MPPED2: variants seen among roughly 807,000 people sequenced by gnomAD.
The protein encoded by MPPED2 is metallophosphoesterase domain containing 2, also known as metallophosphoesterase MPPED2.
In MPPED2, 5 loss-of-function variants were observed where a neutral mutation model predicts 33.0. That is an observed-to-expected ratio of 0.15 (90% confidence interval 0.08 to 0.32). The LOEUF is 0.32. Among genes scored for constraint, MPPED2 ranks in the 10% least tolerant of loss-of-function variants. The probability of loss-of-function intolerance (pLI) is 1.00; values close to 1 mark genes in which losing one functional copy is unlikely to be tolerated. For missense variants in MPPED2, 275 were observed against 372.1 expected (o/e 0.74, Z 2.15); for synonymous variants, 136 against 141.9 (o/e 0.96, Z 0.29).
intron 3 of MPPED2, among the ~76,000 whole-genome samples, chr11:30,513,044 C>T (rs1344939574): frequency 6.6e-6 from 1 of 151,758 alleles, no homozygotes; most frequent in East Asian, 1.9e-4. Context: ...AGTTTCCAGG[C>T]TTTATCCTGA....
At chr11:30,483,422 G>T (rs1951580687) in intron 4 of MPPED2, among the ~76,000 whole-genome samples, 1 of 152,070 alleles carries the variant, frequency 6.6e-6, no homozygotes, top group South Asian at 2.1e-4. Context: ...ACCCACAAAT[G>T]AACCCTATGA....
intron 4 of MPPED2, among the ~76,000 whole-genome samples, chr11:30,461,987 G>T (rs1444695721): frequency 6.6e-6 from 1 of 152,224 alleles, no homozygotes; most frequent in Non-Finnish European, 1.5e-5. Context: ...TTGTAAGTTA[G>T]CAAGTTTTCA....
intron 4 of MPPED2, 53 bp downstream of exon 4, chr11:30,495,243 T>C: frequency 1.6e-6 from 2 of 1,243,054 alleles, no homozygotes; most frequent in Non-Finnish European, 2.4e-6. Context: ...AGCTGTGTTT[T>C]CTTGGTACTG....
chr11:30,385,759 A>T (rs1349195741), exon 7 of MPPED2: 2 of 151,964 alleles, frequency 1.3e-5, no homozygotes, highest in Non-Finnish European at 2.9e-5. Flanking sequence ...TCTCTGCCTG[A>T]ACACTTTTGT....
intron 2 of MPPED2, among the ~76,000 whole-genome samples, chr11:30,542,601 G>A (rs1480531209): frequency 6.6e-6 from 1 of 151,852 alleles, no homozygotes; most frequent in African/African-American, 2.4e-5. Context: ...CTGCACTCCA[G>A]CCTGGGTAAC....
intron 4 of MPPED2, among the ~76,000 whole-genome samples, chr11:30,447,813 C>T (rs1055379822): frequency 1.3e-5 from 2 of 152,070 alleles, no homozygotes; most frequent in Non-Finnish European, 2.9e-5. Flanking sequence ...TGAGAGGTTT[C>T]GTGAGTCCCT....
chr11:30,520,632 G>A (rs1326927401), intron 3 of MPPED2, among the ~76,000 whole-genome samples: 3 of 152,122 alleles, frequency 2.0e-5, no homozygotes, highest in Non-Finnish European at 4.4e-5. Flanking sequence ...ATTTGGAAAT[G>A]AAGGGAGTAT....
In MPPED2 at chr11:30,586,053, T is replaced by G. The variant is rs1957456365; in HGVS notation, c.-133A>C. On this transcript the variant is annotated 5_prime_UTR_variant, in exon 1 of 7. Coordinates refer to ENST00000358117, the MANE Select transcript of MPPED2 (RefSeq NM_001584.3). This position sits in a 1 kb window ranked among gnomAD's most constrained non-coding sequence, Gnocchi z 4.8. ...CCGGGGCGGATTACCTTTCCCGGGCTGCGCTCCGGATCCCGGGGATGCCTT... is the reference window on the plus strand; with the variant it reads ...CCGGGGCGGATTACCTTTCCCGGGCGGCGCTCCGGATCCCGGGGATGCCTT... 6.6e-6 allele frequency: 1 copy of G among 152,204 alleles called. No individual in the cohort carries two copies. 9.4% of individuals were successfully genotyped at this position (152,204 alleles called of 1,614,324 possible). A position where few individuals can be genotyped will look rare whatever the true frequency, so the allele number is the denominator to read the frequency against.
intron 1 of MPPED2, among the ~76,000 whole-genome samples, chr11:30,585,349 G>T (rs541872806): frequency 6.6e-6 from 1 of 152,086 alleles, no homozygotes; most frequent in South Asian, 2.1e-4. Flanking sequence ...CGCGGGGACG[G>T]GGTGAGAAAG....
intron 2 of MPPED2, among the ~76,000 whole-genome samples, chr11:30,542,459 C>T (rs76665811): frequency 6.3e-4 from 49 of 77,790 alleles, no homozygotes; most frequent in Non-Finnish European, 7.4e-4. Context: ...ACCAAAAGTA[C>T]AAAAAAAAAA....
At chr11:30,514,761 G>T (rs1953429956) in intron 3 of MPPED2, among the ~76,000 whole-genome samples, 2 of 152,156 alleles carry the variant, frequency 1.3e-5, no homozygotes, top group East Asian at 3.9e-4. Flanking sequence ...ACAATTATGA[G>T]ATTTGGAACC....
intron 4 of MPPED2, among the ~76,000 whole-genome samples, chr11:30,442,613 CAG>C (rs1167536968): frequency 1.3e-5 from 2 of 152,210 alleles, no homozygotes; most frequent in Admixed American, 1.3e-4. Flanking sequence ...TACAGTGACA[CAG>C]AGGCTAGAGT....
At chr11:30,403,719 G>A (rs1947946794) in intron 6 of MPPED2, among the ~76,000 whole-genome samples, 1 of 152,140 alleles carries the variant, frequency 6.6e-6, no homozygotes, top group African/African-American at 2.4e-5. Flanking sequence ...TGAGACAGTA[G>A]TAGATCCTAA....
intron 4 of MPPED2, among the ~76,000 whole-genome samples, chr11:30,454,322 T>C (rs772356734): frequency 6.6e-6 from 1 of 152,092 alleles, no homozygotes; most frequent in Non-Finnish European, 1.5e-5. Flanking sequence ...CCTTCAACAA[T>C]AGCCGGGCTA....
exon 7 of MPPED2, chr11:30,388,879 T>C (rs1228245478): frequency 3.9e-6 from 6 of 1,553,316 alleles, no homozygotes; most frequent in Non-Finnish European, 5.2e-6. Context: ...CTATGCCAGT[T>C]TCCTCTAGAC....
intron 4 of MPPED2, among the ~76,000 whole-genome samples, chr11:30,443,610 A>G (rs916174725): frequency 1.3e-5 from 2 of 152,202 alleles, no homozygotes; most frequent in Non-Finnish European, 2.9e-5. Context: ...AAGTATCCAG[A>G]TTGCAGTAGT....
At chr11:30,514,285 G>A (rs906343587) in intron 3 of MPPED2, among the ~76,000 whole-genome samples, 1 of 152,152 alleles carries the variant, frequency 6.6e-6, no homozygotes, top group Admixed American at 6.6e-5. Flanking sequence ...TGGGCTTCAA[G>A]GAAATGGTCA....
intron 2 of MPPED2, among the ~76,000 whole-genome samples, chr11:30,558,166 TTTTA>T (rs1565182687): frequency 6.6e-6 from 1 of 152,076 alleles, no homozygotes; most frequent in African/African-American, 2.4e-5. Flanking sequence ...TTTGTATGTA[TTTTA>T]TTATTATTAT....
chr11:30,447,321 CTA>C (rs966757300), intron 4 of MPPED2, among the ~76,000 whole-genome samples: 1 of 152,188 alleles, frequency 6.6e-6, no homozygotes, highest in African/African-American at 2.4e-5. Context: ...TATGGGCAAA[CTA>C]TTCATTTTAT....
Sources: allele counts gnomAD v4.1 joint callset (sites outside exome capture counted in the v4.1 genomes callset), GRCh38; gene constraint gnomAD v4.1.1; non-coding constraint Gnocchi (gnomAD v3.1); transcripts MANE v1.5; gene names NCBI Gene and HGNC (gene_info 2026-07-23, HGNC 2026-07-21).